The following DIAPH3 variants were observed in gnomAD, a reference collection of about 807,000 sequenced individuals.
The protein encoded by DIAPH3 is diaphanous related formin 3, also known as protein diaphanous homolog 3.
DIAPH3 carries 117 observed loss-of-function variants against 144.3 expected under a neutral mutation model. The observed-to-expected ratio is 0.81, with a 90% CI of 0.70 to 0.95. The LOEUF (loss-of-function observed/expected upper bound fraction) is 0.95. DIAPH3 is among the 40% of genes least tolerant of loss of function. The probability of loss-of-function intolerance (pLI) is 0.00; values close to 1 mark genes in which losing one functional copy is unlikely to be tolerated. For missense variants in DIAPH3, 1,421 were observed against 1,412.7 expected (o/e 1.01, Z -0.09); for synonymous variants, 519 against 488.9 (o/e 1.06, Z -0.81).
chr13:59,920,327 A>G (rs1444015428), intron 18 of DIAPH3, among the ~76,000 whole-genome samples: 1 of 151,902 alleles, frequency 6.6e-6, no homozygotes, highest in Non-Finnish European at 1.5e-5. Flanking sequence ...GTAAAGACAC[A>G]TATAAACCAA....
rs1465964198 is a variant in DIAPH3, at chr13:59,734,070, C to T, written c.3319+40119G>A. On this transcript the variant is annotated intron_variant, in intron 27 of 27. Coordinates refer to ENST00000400324, the MANE Select transcript of DIAPH3 (RefSeq NM_001042517.2). ...GGCATGATATCATCAGGAATTCTAA[C>T]CTTTCATTGTGTTTAGTTCCTAAAG... 2.0e-5 allele frequency among the ~76,000 whole-genome samples: 3 copies of T among 152,292 alleles called. No homozygotes were observed. The East Asian group carries it at 5.8e-4, about 29-fold the overall frequency.
chr13:59,790,978 T>G (rs997699555), intron 25 of DIAPH3, among the ~76,000 whole-genome samples: 1 of 152,182 alleles, frequency 6.6e-6, no homozygotes, highest in African/African-American at 2.4e-5. Flanking sequence ...TATTTATTTA[T>G]TTTTTTGAAA....
intron 27 of DIAPH3, among the ~76,000 whole-genome samples, chr13:59,686,797 C>A (rs1373125955): frequency 1.3e-5 from 2 of 152,048 alleles, no homozygotes; most frequent in African/African-American, 2.4e-5. Flanking sequence ...CATCACACAT[C>A]CTCAGGCAAA....
At chr13:59,934,263 C>A (rs944680194) in intron 17 of DIAPH3, among the ~76,000 whole-genome samples, 3 of 151,898 alleles carry the variant, frequency 2.0e-5, no homozygotes, top group Non-Finnish European at 2.9e-5. Context: ...AAATATTAAG[C>A]CTTTTAAGTT....
At chr13:59,989,879 G>A (rs772168983) in intron 12 of DIAPH3, among the ~76,000 whole-genome samples, 38 of 151,706 alleles carry the variant, frequency 2.5e-4, no homozygotes, top group Non-Finnish European at 4.9e-4. Flanking sequence ...TTAAATTCTT[G>A]GGTACTCAAA....
At chr13:59,914,687 C>T (rs1190316513) in intron 19 of DIAPH3, among the ~76,000 whole-genome samples, 1 of 152,106 alleles carries the variant, frequency 6.6e-6, no homozygotes, top group African/African-American at 2.4e-5. Flanking sequence ...TGCAAGATTG[C>T]TGGCTTGGAA....
chr13:60,119,746 CAAAAAAAA>C (rs34356415), intron 2 of DIAPH3, among the ~76,000 whole-genome samples: 13 of 49,532 alleles, frequency 2.6e-4, no homozygotes, highest in East Asian at 7.8e-4. Flanking sequence ...GACTCCGTCT[CAAAAAAAA>C]AAAAAAAAAA....
intron 24 of DIAPH3, among the ~76,000 whole-genome samples, chr13:59,828,176 C>T (rs1180112386): frequency 6.6e-6 from 1 of 151,984 alleles, no homozygotes; most frequent in Non-Finnish European, 1.5e-5. Flanking sequence ...TTTGTCTTCA[C>T]TCAAGTCTTA....
chr13:59,742,194 C>T (rs1171460004), intron 27 of DIAPH3, among the ~76,000 whole-genome samples: 1 of 152,012 alleles, frequency 6.6e-6, no homozygotes. Context: ...TCTACCTGGC[C>T]CCACCCTAGA....
At chr13:59,840,205 A>G (rs900698520) in intron 22 of DIAPH3, among the ~76,000 whole-genome samples, 1 of 152,146 alleles carries the variant, frequency 6.6e-6, no homozygotes, top group Admixed American at 6.5e-5. Context: ...GACCTAAACC[A>G]ACTTTTAAAA....
chr13:59,975,069 A>T (rs1211188851), intron 14 of DIAPH3, among the ~76,000 whole-genome samples: 1 of 151,990 alleles, frequency 6.6e-6, no homozygotes, highest in Admixed American at 6.6e-5. Flanking sequence ...AATCCAGTGA[A>T]TTTTCTATAA....
At chr13:59,818,664 T>C (rs1300920078) in intron 24 of DIAPH3, among the ~76,000 whole-genome samples, 4 of 151,892 alleles carry the variant, frequency 2.6e-5, no homozygotes, top group Admixed American at 6.6e-5. Context: ...TCTGGGACTT[T>C]ATACAAGTGG....
intron 21 of DIAPH3, among the ~76,000 whole-genome samples, chr13:59,866,580 T>C (rs939977467): frequency 3.3e-5 from 5 of 152,102 alleles, no homozygotes; most frequent in African/African-American, 1.2e-4. Context: ...GAGCACAACA[T>C]TCTATTGTTT....
intron 20 of DIAPH3, among the ~76,000 whole-genome samples, chr13:59,905,480 C>T (rs143463690): frequency 2.1e-4 from 32 of 150,852 alleles, no homozygotes; most frequent in African/African-American, 7.5e-4. Flanking sequence ...AGATGATTTA[C>T]ATCTCTTCAC....
intron 27 of DIAPH3, among the ~76,000 whole-genome samples, chr13:59,689,991 A>G (rs1016936952): frequency 3.3e-5 from 5 of 152,066 alleles, no homozygotes; most frequent in Admixed American, 3.3e-4. Context: ...TAATTTGCAC[A>G]ATGTCACTTT....
At chr13:59,861,678 T>C (rs2043599466) in intron 21 of DIAPH3, 142 bp from the exon 22 acceptor site, 6 of 943,198 alleles carry the variant, frequency 6.4e-6, no homozygotes, top group Admixed American at 4.9e-5. Flanking sequence ...AAAACAAATA[T>C]TTAAATACTC....
At chr13:60,096,626 C>T (rs1429988306) in intron 3 of DIAPH3, among the ~76,000 whole-genome samples, 1 of 152,176 alleles carries the variant, frequency 6.6e-6, no homozygotes, top group Non-Finnish European at 1.5e-5. Context: ...TCAGTATGGG[C>T]AGGCACCATC....
intron 17 of DIAPH3, among the ~76,000 whole-genome samples, chr13:59,942,869 C>G (rs919262305): frequency 1.3e-5 from 2 of 152,124 alleles, no homozygotes; most frequent in South Asian, 4.1e-4. Context: ...AGATCAACAA[C>G]ATTTGTTTTA....
intron 5 of DIAPH3, among the ~76,000 whole-genome samples, chr13:60,038,149 T>C (rs140847080): frequency 6.6e-6 from 1 of 151,998 alleles, no homozygotes; most frequent in African/African-American, 2.4e-5. Flanking sequence ...AATGAGGGTA[T>C]AGGATTAAAA....
Sources: gnomAD v4.1 joint callset for allele counts (sites outside exome capture counted in the v4.1 genomes callset) on GRCh38, gnomAD v4.1.1 for gene constraint, MANE v1.5 for transcripts, NCBI Gene and HGNC (gene_info 2026-07-23, HGNC 2026-07-21) for gene names.